TSHR: variants seen among roughly 807,000 people sequenced by gnomAD.
TSHR encodes thyrotropin receptor.
A neutral mutation model predicts 64.1 loss-of-function variants in TSHR; 51 were observed. The ratio of observed to expected loss-of-function variants is 0.80; its 90% CI spans 0.64 to 1.01. The LOEUF (loss-of-function observed/expected upper bound fraction) is 1.01, where lower values mean the gene tolerates loss of function less well. TSHR is among the 50% of genes least tolerant of loss of function. The pLI, the probability that TSHR is intolerant of heterozygous loss-of-function variation, is 0.00. For synonymous variants in TSHR, 361 were observed against 361.9 expected (o/e 1.00, Z 0.03); for missense variants, 877 against 942.8 (o/e 0.93, Z 0.91).
intron 8 of TSHR, among the ~76,000 whole-genome samples, chr14:81,130,992 C>T (rs1254637261): frequency 2.7e-5 from 2 of 73,380 alleles, no homozygotes; most frequent in Non-Finnish European, 4.3e-5. Flanking sequence ...AGCGAGACTC[C>T]GTCTCCAAAA....
intron 2 of TSHR, among the ~76,000 whole-genome samples, chr14:81,062,674 G>T (rs940906058): frequency 6.6e-6 from 1 of 152,018 alleles, no homozygotes; most frequent in African/African-American, 2.4e-5. Flanking sequence ...GATCTCTCAC[G>T]TTAAAAGAGA....
chr14:81,030,866 G>A (rs1457947974), intron 1 of TSHR, among the ~76,000 whole-genome samples: 1 of 151,998 alleles, frequency 6.6e-6, no homozygotes, highest in African/African-American at 2.4e-5. Context: ...TCTGAATATA[G>A]CACACATGGG....
chr14:81,084,878 G>T (rs1888171829), intron 3 of TSHR, among the ~76,000 whole-genome samples: 1 of 152,116 alleles, frequency 6.6e-6, no homozygotes, highest in South Asian at 2.1e-4. Context: ...ATGTTCTTTT[G>T]TACTCACTTC....
chr14:81,031,096 A>G (rs1223258563), intron 1 of TSHR, among the ~76,000 whole-genome samples: 2 of 152,162 alleles, frequency 1.3e-5, no homozygotes, highest in African/African-American at 4.8e-5. Flanking sequence ...CACAGATTTG[A>G]GTATCCCTTG....
rs143076823 is a variant in TSHR, at chr14:81,102,830, G to A, written c.615-5545G>A. Reference sequence around the variant, plus strand: ...TGTACTCTGTTTCTCTGAATTTCTGGTAAAGGTTAAAGGGCAAGCGTGGGA... The same window carrying A: ...TGTACTCTGTTTCTCTGAATTTCTGATAAAGGTTAAAGGGCAAGCGTGGGA... On this transcript the variant is annotated intron_variant, in intron 7 of 9. Coordinates refer to ENST00000298171, the MANE Select transcript of TSHR (RefSeq NM_000369.5). 5.1e-6 allele frequency: 5 copies of A among 985,388 alleles called. No homozygotes were observed. The East Asian group carries it at 5.7e-4, about 112-fold the overall frequency. The allele number at this position is 985,388 out of a possible 1,614,324, so 61.0% of individuals were successfully genotyped here.
intron 8 of TSHR, among the ~76,000 whole-genome samples, chr14:81,117,210 C>CA (rs574324428): frequency 5.1e-4 from 54 of 105,268 alleles, no homozygotes; most frequent in African/African-American, 2.3e-3. Flanking sequence ...AATAGAGACA[C>CA]AAAAAACCCT....
chr14:81,092,229 G>A (rs1487368873), intron 5 of TSHR, among the ~76,000 whole-genome samples: 4 of 151,984 alleles, frequency 2.6e-5, no homozygotes, highest in Non-Finnish European at 4.4e-5. Flanking sequence ...TTGCAGATTC[G>A]GGAGAAGCCT....
chr14:81,089,044 G>T (rs1229030351), intron 4 of TSHR, among the ~76,000 whole-genome samples: 1 of 149,152 alleles, frequency 6.7e-6, no homozygotes, highest in Non-Finnish European at 1.5e-5. Context: ...CTGGAGTGCA[G>T]TGGTGTGATC....
chr14:81,042,346 T>A (rs1884962982), intron 1 of TSHR, among the ~76,000 whole-genome samples: 1 of 152,194 alleles, frequency 6.6e-6, no homozygotes, highest in South Asian at 2.1e-4. Context: ...CTCTCATGTT[T>A]ATTGCAGCAC....
chr14:81,060,464 G>A (rs1886154036), intron 1 of TSHR, among the ~76,000 whole-genome samples: 1 of 152,056 alleles, frequency 6.6e-6, no homozygotes, highest in South Asian at 2.1e-4. Flanking sequence ...AGGCAACATT[G>A]GGCTTCATGG....
rs79448262 is a variant in TSHR, at chr14:80,989,271, A to C, written c.170+33421A>C. On this transcript the variant is annotated intron_variant, in intron 1 of 9. Coordinates refer to ENST00000298171, the MANE Select transcript of TSHR (RefSeq NM_000369.5). ...ACCACTTCCCTGCCCACTGCTCATA[A>C]GCCCCTTGAGGATTCTTCAGGGCAG... 7.1e-3 allele frequency among the ~76,000 whole-genome samples: 1,080 copies of C among 152,228 alleles called. 18 individuals carry two copies. The highest frequency in any genetic ancestry group is 0.024 in the African/African-American group (1,006 of 41,532).
chr14:81,078,183 CA>C (rs1310412356), intron 3 of TSHR, among the ~76,000 whole-genome samples: 10 of 152,052 alleles, frequency 6.6e-5, no homozygotes, highest in Non-Finnish European at 1.5e-4. Flanking sequence ...CCCTTTAGCC[CA>C]AAAAACTTTT....
intron 3 of TSHR, among the ~76,000 whole-genome samples, chr14:81,076,565 A>G (rs2139934678): frequency 6.6e-6 from 1 of 152,218 alleles, no homozygotes; most frequent in East Asian, 1.9e-4. Flanking sequence ...TTGAGCCAAT[A>G]AATGCCAACT....
chr14:81,020,213 G>C (rs990092999), intron 1 of TSHR, among the ~76,000 whole-genome samples: 1 of 152,168 alleles, frequency 6.6e-6, no homozygotes, highest in African/African-American at 2.4e-5. Flanking sequence ...CTATGTGTCA[G>C]GTGCTAGAAA....
chr14:81,145,085 C>T lies in TSHR; in HGVS notation c.*732C>T, dbSNP rs1215757933. 4.3e-6 allele frequency: 1 copy of T among 233,114 alleles called. No homozygotes were observed. The highest frequency in any genetic ancestry group is 8.5e-6 in the Non-Finnish European group (1 of 118,086). The allele number at this position is 233,114 out of a possible 1,614,324, so 14.4% of individuals were successfully genotyped here. A position where few individuals can be genotyped will look rare whatever the true frequency, so the allele number is the denominator to read the frequency against. On this transcript the variant is annotated 3_prime_UTR_variant, in exon 10 of 10. Coordinates refer to ENST00000298171, the MANE Select transcript of TSHR (RefSeq NM_000369.5). ...TTGCTCTTCTTGGCCAGCCTCATAG[C>T]ATAAAAGATGTGAACTCTAGGAAGT...
intron 5 of TSHR, 56 bp from the exon 6 acceptor site, chr14:81,092,475 C>A (rs1243397670): frequency 8.0e-6 from 12 of 1,490,862 alleles, no homozygotes; most frequent in Non-Finnish European, 1.1e-5. Context: ...AGCAAGACCC[C>A]TGCTGCAGAA....
rs777223874 is a variant in TSHR, at chr14:81,139,726, A to G, written c.740A>G (p.Glu247Gly). 1.3e-5 allele frequency: 21 copies of G among 1,614,080 alleles called. No homozygotes were observed. The highest frequency in any genetic ancestry group is 5.3e-5 in the African/African-American group (4 of 74,916). ...SVTALPSKGL[E>G]HLKELIARNT... ...ACTGCCCTTCCATCCAAAGGCCTGG[A>G]GCACCTGAAGGAACTGATAGCAAGA... Residue 247 changes from glutamate (E) to glycine (G), a missense_variant, in exon 9 of 10, where the codon GAG (glutamate) becomes GGG (glycine). Transcript: ENST00000298171.
At chr14:81,139,993 T>A in intron 9 of TSHR, 126 bp downstream of exon 9, 1 of 1,297,308 alleles carries the variant, frequency 7.7e-7, no homozygotes, top group African/African-American at 1.5e-5. Context: ...AGCATCCATA[T>A]GAAACAGGAA....
intron 7 of TSHR, among the ~76,000 whole-genome samples, chr14:81,105,422 G>T (rs1889830339): frequency 6.6e-6 from 1 of 152,296 alleles, no homozygotes; most frequent in South Asian, 2.1e-4. Flanking sequence ...CAGAGTGATG[G>T]TTTCACTTTT....
Sources: gnomAD v4.1 joint callset for allele counts (sites outside exome capture counted in the v4.1 genomes callset) on GRCh38, gnomAD v4.1.1 for gene constraint, MANE v1.5 for transcripts, NCBI Gene and HGNC (gene_info 2026-07-23, HGNC 2026-07-21) for gene names.